ANKRD6: variants seen among roughly 807,000 people sequenced by gnomAD.
ANKRD6 encodes the protein ankyrin repeat domain-containing protein 6.
In ANKRD6, 56 loss-of-function variants were observed where a neutral mutation model predicts 82.3. That is an observed-to-expected ratio of 0.68 (90% CI 0.55 to 0.85). The LOEUF (loss-of-function observed/expected upper bound fraction) is 0.85. Among genes scored for constraint, ANKRD6 ranks in the 40% least tolerant of loss-of-function variants. ANKRD6 has a pLI of 0.00. For synonymous variants in ANKRD6, 347 were observed against 352.1 expected (o/e 0.99, Z 0.16); for missense variants, 852 against 907.6 (o/e 0.94, Z 0.79).
At chr6:89,475,317 C>G (rs1169317535) in intron 1 of ANKRD6, among the ~76,000 whole-genome samples, 2 of 152,202 alleles carry the variant, frequency 1.3e-5, no homozygotes, top group African/African-American at 2.4e-5. Flanking sequence ...TATTCCATGA[C>G]TGTCTTCAAA....
At chr6:89,542,285 G>A (rs1784530560) in intron 1 of ANKRD6, among the ~76,000 whole-genome samples, 3 of 152,126 alleles carry the variant, frequency 2.0e-5, no homozygotes, top group Non-Finnish European at 2.9e-5. Context: ...CACAACTGAC[G>A]TTACGTACTT....
chr6:89,517,655 A>C (rs574939254), intron 1 of ANKRD6, among the ~76,000 whole-genome samples: 1 of 152,360 alleles, frequency 6.6e-6, no homozygotes, highest in East Asian at 1.9e-4. Context: ...CATTATTATA[A>C]TTTATAGGAA....
intron 1 of ANKRD6, among the ~76,000 whole-genome samples, chr6:89,442,459 T>TAA (rs34314408): frequency 7.0e-6 from 1 of 142,366 alleles, no homozygotes; most frequent in Non-Finnish European, 1.5e-5. Context: ...GCCCATCTAT[T>TAA]AAAAAAAAAA....
chr6:89,575,576 C>T (rs938892456), intron 2 of ANKRD6, among the ~76,000 whole-genome samples: 10 of 152,050 alleles, frequency 6.6e-5, no homozygotes, highest in Non-Finnish European at 1.3e-4. Flanking sequence ...TGACTGGGAG[C>T]TCAATATGCC....
chr6:89,480,237 T>C (rs1776629891), intron 1 of ANKRD6, among the ~76,000 whole-genome samples: 1 of 152,226 alleles, frequency 6.6e-6, no homozygotes, highest in South Asian at 2.1e-4. Context: ...TTCTGTTCTA[T>C]TTTGTGTGTC....
At chr6:89,495,352 G>A (rs906093160) in intron 1 of ANKRD6, among the ~76,000 whole-genome samples, 8 of 152,234 alleles carry the variant, frequency 5.3e-5, no homozygotes, top group Non-Finnish European at 1.0e-4. Flanking sequence ...CTGGACCTCT[G>A]GGAGGAGGGT....
chr6:89,601,628 T>G (rs1478724951), intron 3 of ANKRD6: 6 of 152,224 alleles, frequency 3.9e-5, no homozygotes. Context: ...GATTTTTTAT[T>G]GTAATAAAAT....
intron 1 of ANKRD6, among the ~76,000 whole-genome samples, chr6:89,491,143 A>C (rs1465526356): frequency 2.0e-5 from 3 of 152,138 alleles, no homozygotes; most frequent in Admixed American, 6.5e-5. Context: ...CGACAACTTC[A>C]TTTTGGACTC....
intron 1 of ANKRD6, among the ~76,000 whole-genome samples, chr6:89,459,128 G>A (rs1356699686): frequency 6.6e-6 from 1 of 152,098 alleles, no homozygotes; most frequent in African/African-American, 2.4e-5. Context: ...GCCCAGGCTG[G>A]AGTGCAATGA....
chr6:89,608,354 T>TACAC (rs540574068), intron 5 of ANKRD6, among the ~76,000 whole-genome samples: 11 of 137,374 alleles, frequency 8.0e-5, no homozygotes, highest in African/African-American at 2.9e-4. Flanking sequence ...CCCTCCCTAA[T>TACAC]ACACACACAC....
chr6:89,526,861 C>T (rs1329964938), intron 1 of ANKRD6, among the ~76,000 whole-genome samples: 1 of 152,232 alleles, frequency 6.6e-6, no homozygotes, highest in African/African-American at 2.4e-5. Flanking sequence ...ATTCCCAGCT[C>T]AACTGTCAGG....
intron 2 of ANKRD6, among the ~76,000 whole-genome samples, chr6:89,583,656 C>T (rs1793083179): frequency 6.6e-6 from 1 of 152,202 alleles, no homozygotes; most frequent in Middle Eastern, 3.2e-3. Flanking sequence ...CCAAAGCTAA[C>T]TCAAGCATCT....
At chr6:89,486,900 C>G (rs939259360) in intron 1 of ANKRD6, among the ~76,000 whole-genome samples, 7 of 152,156 alleles carry the variant, frequency 4.6e-5, no homozygotes, top group African/African-American at 1.7e-4. Context: ...ACCCTCATAA[C>G]CTAATTACCT....
At chr6:89,520,967 G>C (rs1781823254) in intron 1 of ANKRD6, among the ~76,000 whole-genome samples, 1 of 152,070 alleles carries the variant, frequency 6.6e-6, no homozygotes. Context: ...CAGCCTGGGT[G>C]ACAGAGCAAG....
In ANKRD6 at chr6:89,624,671, G is replaced by T. The variant is rs867416097; in HGVS notation, c.1351G>T (p.Glu451Ter). The T allele has an allele frequency of 6.2e-7, 1 of 1,603,348 alleles. No homozygotes were observed. The change falls in exon 13 of 16, where the codon GAG (glutamate) becomes TAG (stop). Residue 451 changes from glutamate (E) to a stop codon, truncating the protein, a stop_gained. Coordinates refer to ENST00000339746, the MANE Select transcript of ANKRD6 (RefSeq NM_001242809.2). LOFTEE classifies it high-confidence loss of function. ...DKMNTKLGQMENKTQHQMRVL... is the reference protein window; with the variant it reads ...DKMNTKLGQM ...AATGAATACAAAGCTGGGGCAGATGGAGAATAAGACCCAGCACCAAGTATG... is the reference window on the plus strand; with the variant it reads ...AATGAATACAAAGCTGGGGCAGATGTAGAATAAGACCCAGCACCAAGTATG...
intron 1 of ANKRD6, among the ~76,000 whole-genome samples, chr6:89,446,140 G>A (rs1382801714): frequency 1.3e-5 from 2 of 151,744 alleles, no homozygotes; most frequent in African/African-American, 2.4e-5. Context: ...ATCACCTGAG[G>A]TCAGGAGTTT....
chr6:89,583,324 G>A (rs376272291), intron 2 of ANKRD6, among the ~76,000 whole-genome samples: 7 of 152,322 alleles, frequency 4.6e-5, no homozygotes, highest in Admixed American at 3.3e-4. Context: ...TTTATTAGCA[G>A]GAAATAAATG....
chr6:89,528,194 A>G lies in ANKRD6; in HGVS notation c.-143-38640A>G, dbSNP rs899464732. ...ACAAAAGATTTCTCTGTAGCATGTG[A>G]TGCTGTTTGATAGCACTTTACTCAC... On this transcript the variant is annotated intron_variant, in intron 1 of 15. Transcript: ENST00000339746. 2.0e-5 allele frequency among the ~76,000 whole-genome samples: 3 copies of G among 152,220 alleles called. No individual in the cohort carries two copies. In the South Asian group the frequency reaches 6.2e-4, roughly 31 times the overall value.
At chr6:89,544,563 A>C (rs1010796329) in intron 1 of ANKRD6, among the ~76,000 whole-genome samples, 6 of 151,976 alleles carry the variant, frequency 3.9e-5, no homozygotes, top group Non-Finnish European at 5.9e-5. Flanking sequence ...TAATACAAAA[A>C]ATTAGCTGGG....
Sources: allele counts gnomAD v4.1 joint callset (sites outside exome capture counted in the v4.1 genomes callset), GRCh38; gene constraint gnomAD v4.1.1; transcripts MANE v1.5; gene names NCBI Gene and HGNC (gene_info 2026-07-23, HGNC 2026-07-21).